TSGA10IP: variants seen among roughly 807,000 people sequenced by gnomAD.
TSGA10IP encodes the protein testis specific 10 interacting protein.
TSGA10IP carries 64 observed loss-of-function variants against 63.2 expected under a neutral mutation model. The ratio of observed to expected loss-of-function variants is 1.01; its 90% CI spans 0.83 to 1.25. TSGA10IP has a LOEUF of 1.25. Ranked by LOEUF, TSGA10IP falls within the 50% of genes most tolerant of loss-of-function variation. The probability of loss-of-function intolerance (pLI) is 0.00; values close to 1 mark genes in which losing one functional copy is unlikely to be tolerated. For missense variants in TSGA10IP, 681 were observed against 710.1 expected, an observed-to-expected ratio of 0.96 and a Z score of 0.47; for synonymous variants, 316 against 298.3, an observed-to-expected ratio of 1.06 and a Z score of -0.61.
intron 5 of TSGA10IP, among the ~76,000 whole-genome samples, chr11:65,958,043 T>C (rs1855055003): frequency 6.6e-6 from 1 of 152,186 alleles, no homozygotes; most frequent in Admixed American, 6.5e-5. Flanking sequence ...AGCCTAGACC[T>C]CCGAGGCTCA....
rs797021949 is a variant in TSGA10IP, at chr11:65,959,057, C to T, written c.1422+75C>T. 3.2e-5 allele frequency: 50 copies of T among 1,574,442 alleles called. No homozygotes were observed. The African/African-American group carries it at 4.2e-4, about 13-fold the overall frequency. On this transcript the variant is annotated intron_variant, in intron 6 of 7. Coordinates refer to ENST00000532620, the Ensembl canonical transcript of TSGA10IP. ...GCTGAGTGGGTAGGGAAGCAGGATG[C>T]GAGTAGGTCCCTGCAGATAGGATCC... is the stretch of plus-strand genomic sequence containing the variant.
chr11:65,952,416 T>TTGTG (rs143966302), intron 4 of TSGA10IP, among the ~76,000 whole-genome samples: 54 of 149,902 alleles, frequency 3.6e-4, no homozygotes, highest in Non-Finnish European at 5.7e-4. Flanking sequence ...AAGCTTTCTT[T>TTGTG]TGTGTGTGTG....
At chr11:65,959,101 G>T (rs1855074138) in intron 6 of TSGA10IP, 89 bp from the exon 7 acceptor site, 2 of 1,565,934 alleles carry the variant, frequency 1.3e-6, no homozygotes, top group East Asian at 2.3e-5. Context: ...CTGCCCTCTG[G>T]AATCCCTGGG....
chr11:65,947,610 G>A, exon 3 of TSGA10IP: 5 of 1,613,772 alleles, frequency 3.1e-6, no homozygotes, highest in Non-Finnish European at 3.4e-6. Context: ...GGAGAGCACA[G>A]GACTCCCTGC....
chr11:65,949,632 G>A (rs917398705), intron 4 of TSGA10IP, among the ~76,000 whole-genome samples: 1 of 152,022 alleles, frequency 6.6e-6, no homozygotes. Flanking sequence ...GGCCAGGCTG[G>A]TCTTGAACTC....
In TSGA10IP at chr11:65,953,709, G is replaced by C. The variant is rs1315285078; in HGVS notation, c.1294G>C (p.Ala432Pro). The change falls in exon 5 of 8, where the codon GCG becomes CCG. Residue 432 changes from alanine to proline, a missense_variant. Coordinates refer to ENST00000532620, the Ensembl canonical transcript of TSGA10IP. ...ACCCAGAGGGAGCCGGGGCCCTGGG[G>C]CGGCCCAGCGCAAGCTGGAGGAGCT... is the stretch of plus-strand genomic sequence containing the variant. 3 of 1,559,692 alleles carry C rather than the reference G, an allele frequency of 1.9e-6. No individual in the cohort carries two copies. In the Admixed American group the frequency reaches 5.6e-5, roughly 29 times the overall value.
At chr11:65,958,909 A>C (rs757122412) in exon 6 of TSGA10IP, 3 of 1,613,154 alleles carry the variant, frequency 1.9e-6, no homozygotes, top group Non-Finnish European at 2.5e-6. Flanking sequence ...CGCTTTGCTG[A>C]GTACCAGGCG....
chr11:65,958,942 G>A (rs773692837), exon 6 of TSGA10IP: 1 of 1,613,264 alleles, frequency 6.2e-7, no homozygotes, highest in South Asian at 1.1e-5. Flanking sequence ...ATCCAGCACA[G>A]GGTGCAGGCC....
At chr11:65,955,335 G>A (rs1011235744) in intron 5 of TSGA10IP, among the ~76,000 whole-genome samples, 5 of 152,096 alleles carry the variant, frequency 3.3e-5, no homozygotes, top group African/African-American at 7.2e-5. Flanking sequence ...GCTGTACGCC[G>A]TGGCTCACAC....
At chr11:65,959,367 G>A (rs1590628115) in intron 7 of TSGA10IP, 53 bp downstream of exon 7, 5 of 1,592,818 alleles carry the variant, frequency 3.1e-6, no homozygotes, top group Non-Finnish European at 4.3e-6. Context: ...CTGCGGGAAG[G>A]GGCGCCCACA....
At chr11:65,951,725 T>G (rs1330922657) in intron 4 of TSGA10IP, among the ~76,000 whole-genome samples, 1 of 150,736 alleles carries the variant, frequency 6.6e-6, no homozygotes, top group Non-Finnish European at 1.5e-5. Flanking sequence ...AACTTTTTAT[T>G]TGTAGAGATA....
At chr11:65,948,848 G>A (rs977038745) in intron 4 of TSGA10IP, among the ~76,000 whole-genome samples, 1 of 152,052 alleles carries the variant, frequency 6.6e-6, no homozygotes, top group Non-Finnish European at 1.5e-5. Flanking sequence ...GGTGGTGTGT[G>A]CCTGGAGTCC....
rs147311156 is a variant in TSGA10IP at position 65,958,816 on chromosome 11, G to A, written c.1323-67G>A. ...TATCAAGTCCTTAGTGAAGATAAGC[G>A]GGCTCAGGAATGGAGATCAACAGTT... On this transcript the variant is annotated intron_variant, in intron 5 of 7. Transcript: ENST00000532620. 262 of 1,330,674 alleles carry A rather than the reference G, an allele frequency of 2.0e-4. No individual in the cohort carries two copies. The African/African-American group carries it at 3.2e-3, about 16-fold the overall frequency. 82.4% of individuals were successfully genotyped at this position (1,330,674 alleles called of 1,614,324 possible).
At chr11:65,947,002 T>A in exon 2 of TSGA10IP, 1 of 1,613,932 alleles carries the variant, frequency 6.2e-7, no homozygotes, top group Non-Finnish European at 8.5e-7. Flanking sequence ...GACAGGGCTC[T>A]GAAGAGTCTG....
At chr11:65,946,808 A>T (rs1854842292) in intron 1 of TSGA10IP, 72 bp from the exon 2 acceptor site, 1 of 1,536,772 alleles carries the variant, frequency 6.5e-7, no homozygotes, top group Non-Finnish European at 8.8e-7. Flanking sequence ...CAGAGGGAGC[A>T]CCCGGGTGAG....
Position 65,957,832 on chromosome 11 carries a change from A to G in TSGA10IP, c.1323-1051A>G, listed in dbSNP as rs534655428. Among the ~76,000 whole-genome samples the G allele has an allele frequency of 3.9e-5, 6 of 152,256 alleles. No individual in the cohort carries two copies. In the South Asian group the frequency reaches 8.3e-4, roughly 21 times the overall value. The stretch of plus-strand genomic sequence containing the variant: ...AAGGCCTCTCTTACATGCTTCACAG[A>G]TGGATGCCTGGTCCCATGTGGGTGT... On this transcript the variant is annotated intron_variant, in intron 5 of 7. Transcript: ENST00000532620.
chr11:65,945,663 GGGATGGGGCA>G lies in TSGA10IP; in HGVS notation c.2_11del, dbSNP rs753520045. On this transcript the variant is annotated 5_prime_UTR_variant, in exon 1 of 8. It removes an upstream start codon present in the reference 5' UTR. Transcript: ENST00000532620. Reference sequence around the variant, plus strand: ...TTAGGCAGTTCTACGGTGCGGATGGGGGATGGGGCAGGATGGGGCAGGACACCGATATGCT... The same window carrying G: ...TTAGGCAGTTCTACGGTGCGGATGGGGGATGGGGCAGGACACCGATATGCT... The G allele has an allele frequency of 9.3e-6, 15 of 1,612,626 alleles. No homozygotes were observed. Among genetic ancestry groups the G allele is most frequent in the African/African-American group, 8.0e-5 (6 of 74,916 alleles).
In TSGA10IP at chr11:65,949,233, G is replaced by A. The variant is rs1854900655; in HGVS notation, c.1151+1085G>A. Among the ~76,000 whole-genome samples the A allele has an allele frequency of 2.0e-5, 3 of 152,192 alleles. No homozygotes were observed. In the South Asian group the frequency reaches 6.2e-4, roughly 32 times the overall value. On this transcript the variant is annotated intron_variant, in intron 4 of 7. Coordinates refer to ENST00000532620, the Ensembl canonical transcript of TSGA10IP. The stretch of plus-strand genomic sequence containing the variant: ...GCAAAGGAGACAGTGGGAGCTGAAG[G>A]GGAGACTGGAGGCTGTGAGGAGACT...
At chr11:65,959,702 C>A in intron 7 of TSGA10IP, 115 bp from the exon 8 acceptor site, 2 of 1,406,026 alleles carry the variant, frequency 1.4e-6, no homozygotes, top group Non-Finnish European at 1.9e-6. Flanking sequence ...TCACTTTGCC[C>A]AGGATCACAC....
Sources: allele counts gnomAD v4.1 joint callset (sites outside exome capture counted in the v4.1 genomes callset), GRCh38; gene constraint gnomAD v4.1.1; transcripts MANE v1.5; gene names NCBI Gene and HGNC (gene_info 2026-07-23, HGNC 2026-07-21).